Variants in PLCXD2 observed in about 807,000 individuals in gnomAD.
PLCXD2 encodes the protein PI-PLC X domain-containing protein 2.
In PLCXD2, 21 loss-of-function variants were observed where a neutral mutation model predicts 28.6. That is an observed-to-expected ratio of 0.73 (90% confidence interval 0.52 to 1.06). The LOEUF (loss-of-function observed/expected upper bound fraction) is 1.06. PLCXD2 is among the 50% of genes least tolerant of loss of function. PLCXD2 has a pLI of 0.00. For synonymous variants in PLCXD2, 140 were observed against 150.1 expected (o/e 0.93, Z 0.49); for missense variants, 369 against 376.7 (o/e 0.98, Z 0.17).
intron 3 of PLCXD2, chr3:111,726,747 G>A (rs1941421173): frequency 6.6e-6 from 1 of 151,954 alleles, no homozygotes; most frequent in Non-Finnish European, 1.5e-5. Flanking sequence ...TGATTAAACT[G>A]CTTACTTCAA....
At chr3:111,713,761 C>A in intron 2 of PLCXD2, 126 bp from the exon 3 acceptor site, 1 of 1,019,208 alleles carries the variant, frequency 9.8e-7, no homozygotes, top group Non-Finnish European at 1.4e-6. Context: ...TTAATATAAA[C>A]AGTTCTTGAC....
intron 3 of PLCXD2, among the ~76,000 whole-genome samples, chr3:111,718,976 G>A (rs375772704): frequency 6.6e-6 from 1 of 152,156 alleles, no homozygotes; most frequent in African/African-American, 2.4e-5. Flanking sequence ...CTGAAAGACC[G>A]TTAGTGAGAC....
rs575353286 is a variant in PLCXD2 at position 111,704,632 on chromosome 3, A to G, written c.164-3294A>G. The stretch of plus-strand genomic sequence containing the variant: ...GAGTGATATTTCAATACGTGTATAC[A>G]ATGTATAATGATCAAATCAGTGTAA... On this transcript the variant is annotated intron_variant, in intron 1 of 4. Transcript: ENST00000477665. Among the ~76,000 whole-genome samples the G allele has an allele frequency of 5.8e-4, 89 of 152,306 alleles. No individual in the cohort carries two copies. In the South Asian group the frequency reaches 0.013, roughly 22 times the overall value.
intron 1 of PLCXD2, among the ~76,000 whole-genome samples, chr3:111,702,934 T>A (rs756495196): frequency 5.3e-5 from 8 of 152,234 alleles, no homozygotes; most frequent in Non-Finnish European, 1.2e-4. Flanking sequence ...ATTACATGGT[T>A]TATAAATATT....
chr3:111,712,939 T>C (rs1941221203), intron 2 of PLCXD2, among the ~76,000 whole-genome samples: 1 of 152,216 alleles, frequency 6.6e-6, no homozygotes, highest in Non-Finnish European at 1.5e-5. Flanking sequence ...TGTAGCTTGC[T>C]AATTATTTTC....
chr3:111,720,482 T>C (rs1941330241), intron 3 of PLCXD2, among the ~76,000 whole-genome samples: 1 of 152,228 alleles, frequency 6.6e-6, no homozygotes, highest in East Asian at 1.9e-4. Context: ...TCTTTGATGC[T>C]GGAAGCAAAT....
chr3:111,710,352 G>A (rs1020367341), intron 2 of PLCXD2, among the ~76,000 whole-genome samples: 1 of 152,160 alleles, frequency 6.6e-6, no homozygotes, highest in African/African-American at 2.4e-5. Context: ...TACAATATGA[G>A]ATAATGGTAA....
At chr3:111,692,520 T>G (rs1303363716) in intron 1 of PLCXD2, 2 of 152,224 alleles carry the variant, frequency 1.3e-5, no homozygotes, top group African/African-American at 4.8e-5. Context: ...ATAGAAGCTC[T>G]CTCTCAAAGG....
chr3:111,686,052 C>A (rs1211429386), intron 1 of PLCXD2, among the ~76,000 whole-genome samples: 1 of 152,176 alleles, frequency 6.6e-6, no homozygotes, highest in Non-Finnish European at 1.5e-5. Context: ...CCCTTTGGTG[C>A]CCCTCTGGCA....
At chr3:111,704,333 C>A (rs1371967466) in intron 1 of PLCXD2, among the ~76,000 whole-genome samples, 2 of 152,182 alleles carry the variant, frequency 1.3e-5, no homozygotes, top group Non-Finnish European at 2.9e-5. Flanking sequence ...ACCAAATTAG[C>A]TTCCGTATGA....
intron 3 of PLCXD2, among the ~76,000 whole-genome samples, chr3:111,714,481 T>C (rs75336737): frequency 6.6e-6 from 1 of 152,138 alleles, no homozygotes; most frequent in East Asian, 1.9e-4. Context: ...TAAGAAGCAT[T>C]CAATATAGGC....
Position 111,675,102 on chromosome 3 carries a change from G to T in PLCXD2, c.-144G>T. 1.1e-6 allele frequency: 1 copy of T among 912,050 alleles called. No homozygotes were observed. The highest frequency in any genetic ancestry group is 1.7e-6 in the Non-Finnish European group (1 of 595,152). 56.5% of individuals were successfully genotyped at this position (912,050 alleles called of 1,614,324 possible). A position where few individuals can be genotyped will look rare whatever the true frequency, so the allele number is the denominator to read the frequency against. ...AGTGCTAGTGGGTAAGGATCCATCT[G>T]TTTGCCCCGTCCCCCAGCCAGAAAG... is the stretch of plus-strand genomic sequence containing the variant. On this transcript the variant is annotated 5_prime_UTR_variant, in exon 1 of 5. Coordinates refer to ENST00000477665, the MANE Select transcript of PLCXD2 (RefSeq NM_001185106.1).
At chr3:111,681,759 CCT>C (rs1333953266) in intron 1 of PLCXD2, among the ~76,000 whole-genome samples, 2 of 152,174 alleles carry the variant, frequency 1.3e-5, no homozygotes, top group Admixed American at 6.5e-5. Context: ...CCTGCAAGCT[CCT>C]CTCTCAGACA....
chr3:111,694,011 G>A (rs187133410), intron 1 of PLCXD2, among the ~76,000 whole-genome samples: 20 of 152,324 alleles, frequency 1.3e-4, no homozygotes, highest in Admixed American at 3.3e-4. Context: ...TCAAGCTGTC[G>A]CTTTAAAAAT....
At chr3:111,697,941 A>G (rs1265248397) in intron 1 of PLCXD2, among the ~76,000 whole-genome samples, 3 of 152,222 alleles carry the variant, frequency 2.0e-5, no homozygotes, top group Non-Finnish European at 1.5e-5. Context: ...GTAGAATACT[A>G]TGATCCAAAC....
intron 2 of PLCXD2, among the ~76,000 whole-genome samples, chr3:111,710,484 A>G (rs971360499): frequency 5.9e-5 from 9 of 152,184 alleles, no homozygotes; most frequent in African/African-American, 2.2e-4. Flanking sequence ...AGATGAGGAA[A>G]CTGAGGTATG....
At chr3:111,689,778 T>G (rs748669333) in intron 1 of PLCXD2, among the ~76,000 whole-genome samples, 7 of 152,188 alleles carry the variant, frequency 4.6e-5, no homozygotes, top group Non-Finnish European at 1.0e-4. Flanking sequence ...TTTAAAAATC[T>G]ATATTTCTAG....
intron 3 of PLCXD2, chr3:111,725,432 G>C (rs1559800674): frequency 1.0e-5 from 4 of 387,438 alleles, no homozygotes; most frequent in Non-Finnish European, 9.1e-6. Flanking sequence ...AATTTAGGTA[G>C]AAACTTTACC....
intron 2 of PLCXD2, among the ~76,000 whole-genome samples, chr3:111,709,484 GCA>G (rs937307379): frequency 7.8e-6 from 1 of 128,458 alleles, no homozygotes; most frequent in Non-Finnish European, 1.6e-5. Flanking sequence ...ACACACACAC[GCA>G]CACACACACA....
Sources: gnomAD v4.1 joint callset for allele counts (sites outside exome capture counted in the v4.1 genomes callset) on GRCh38, gnomAD v4.1.1 for gene constraint, MANE v1.5 for transcripts, NCBI Gene and HGNC (gene_info 2026-07-23, HGNC 2026-07-21) for gene names.